Variants in BMP8A observed in about 807,000 individuals in gnomAD.
BMP8A encodes the protein bone morphogenetic protein 8a.
BMP8A carries 14 observed loss-of-function variants against 36.8 expected under a neutral mutation model. The ratio of observed to expected loss-of-function variants is 0.38; its 90% confidence interval spans 0.25 to 0.60. The LOEUF (loss-of-function observed/expected upper bound fraction) is 0.60, where lower values mean the gene tolerates loss of function less well. Among genes scored for constraint, BMP8A ranks in the 20% least tolerant of loss-of-function variants. The pLI is 0.63. For missense variants in BMP8A, 267 were observed against 551.1 expected, an observed-to-expected ratio of 0.48 and a Z score of 5.16; for synonymous variants, 120 against 237.7, an observed-to-expected ratio of 0.50 and a Z score of 4.55.
At chr1:39,504,156 G>A (rs1775650) in intron 1 of BMP8A, among the ~76,000 whole-genome samples, 130,879 of 152,024 alleles carry the variant, frequency 0.86, 57,212 homozygotes, top group East Asian at 0.99. Flanking sequence ...GCCCCTCCAC[G>A]CCTGTGGGTA....
intron 5 of BMP8A, 101 bp from the exon 6 acceptor site, chr1:39,522,906 C>A: frequency 8.5e-7 from 1 of 1,176,970 alleles, no homozygotes. Context: ...GGATTCAAGC[C>A]TCTTGGGGGA....
chr1:39,503,715 A>G (rs550345583), intron 1 of BMP8A, among the ~76,000 whole-genome samples: 1 of 152,044 alleles, frequency 6.6e-6, no homozygotes, highest in Non-Finnish European at 1.5e-5. Context: ...AGGTTTCACC[A>G]TGTTGGCCAG....
Position 39,524,319 on chromosome 1 carries a change from C to T in BMP8A, c.1059+1202C>T, listed in dbSNP as rs1645460673. Reference sequence around the variant, plus strand: ...GCTCAACTAGAGTGAGTGCTCACAGCCTACAGGGCAGCAAACAGGCACTGT... The same window carrying T: ...GCTCAACTAGAGTGAGTGCTCACAGTCTACAGGGCAGCAAACAGGCACTGT... On this transcript the variant is annotated intron_variant, in intron 6 of 6. Transcript: ENST00000331593. This position sits in a 1 kb window ranked among gnomAD's most constrained non-coding sequence, Gnocchi z 4.0. Among the ~76,000 whole-genome samples the T allele has an allele frequency of 6.6e-6, 1 of 152,114 alleles. No individual in the cohort carries two copies. Among genetic ancestry groups the T allele is most frequent in the African/African-American group, 2.4e-5 (1 of 41,426 alleles).
intron 1 of BMP8A, among the ~76,000 whole-genome samples, chr1:39,508,478 C>T (rs151244966): frequency 1.3e-5 from 2 of 152,208 alleles, no homozygotes; most frequent in African/African-American, 2.4e-5. Context: ...ATCCCCACTT[C>T]GCAGATAAGG....
intron 1 of BMP8A, among the ~76,000 whole-genome samples, chr1:39,497,697 C>A (rs1190636235): frequency 6.6e-6 from 1 of 152,206 alleles, no homozygotes; most frequent in East Asian, 1.9e-4. Flanking sequence ...TACTCCCCAG[C>A]AACCCCTGAA....
chr1:39,501,671 C>T (rs1038315418), intron 1 of BMP8A, among the ~76,000 whole-genome samples: 1 of 152,124 alleles, frequency 6.6e-6, no homozygotes, highest in African/African-American at 2.4e-5. Context: ...CCTATGTTGC[C>T]CAGGCTGATC....
intron 1 of BMP8A, among the ~76,000 whole-genome samples, chr1:39,502,926 G>T (rs1051046114): frequency 1.3e-5 from 2 of 152,084 alleles, no homozygotes; most frequent in African/African-American, 4.8e-5. Flanking sequence ...CACACCTGTA[G>T]TCCCAACTAC....
chr1:39,498,330 CT>C (rs1235414120), intron 1 of BMP8A, among the ~76,000 whole-genome samples: 2 of 152,226 alleles, frequency 1.3e-5, no homozygotes, highest in Non-Finnish European at 2.9e-5. Flanking sequence ...ATGACCACTT[CT>C]TTCTGGAAAA....
At chr1:39,498,130 C>T (rs1027440557) in intron 1 of BMP8A, among the ~76,000 whole-genome samples, 1 of 152,264 alleles carries the variant, frequency 6.6e-6, no homozygotes, top group African/African-American at 2.4e-5. Flanking sequence ...TGGAAACCCT[C>T]TGCCCCTCCT....
rs1008242250 is a variant in BMP8A at position 39,499,214 on chromosome 1, G to A, written c.334+6889G>A. 1.2e-4 allele frequency among the ~76,000 whole-genome samples: 18 copies of A among 152,296 alleles called. No homozygotes were observed. The South Asian group carries it at 2.5e-3, about 21-fold the overall frequency. On this transcript the variant is annotated intron_variant, in intron 1 of 6. Transcript: ENST00000331593. ...CTGAGGACTGGGAGCCTTCTCAGTC[G>A]GACTGAGAGGGACGGGGCCACCCGG... is the stretch of plus-strand genomic sequence containing the variant.
At chr1:39,509,546 A>C (rs1473685240) in intron 1 of BMP8A, among the ~76,000 whole-genome samples, 1 of 152,128 alleles carries the variant, frequency 6.6e-6, no homozygotes, top group South Asian at 2.1e-4. Context: ...GGACAAGACA[A>C]GTTCATTTTT....
At chr1:39,506,538 G>A (rs917730436) in intron 1 of BMP8A, among the ~76,000 whole-genome samples, 1 of 152,102 alleles carries the variant, frequency 6.6e-6, no homozygotes, top group African/African-American at 2.4e-5. Context: ...CTACAGGTTG[G>A]TTATGTAAGA....
intron 5 of BMP8A, 162 bp downstream of exon 5, chr1:39,522,644 G>T: frequency 4.6e-6 from 5 of 1,079,466 alleles, no homozygotes; most frequent in South Asian, 2.1e-5. Context: ...GTGAGAAAGG[G>T]TTTTGTTGTT....
At chr1:39,500,352 G>A (rs1246024879) in intron 1 of BMP8A, among the ~76,000 whole-genome samples, 1 of 152,222 alleles carries the variant, frequency 6.6e-6, no homozygotes, top group Non-Finnish European at 1.5e-5. Context: ...AATATCTGGA[G>A]ACCTTTTTAG....
intron 3 of BMP8A, among the ~76,000 whole-genome samples, chr1:39,517,811 G>C (rs760539819): frequency 6.6e-6 from 1 of 152,292 alleles, no homozygotes; most frequent in Admixed American, 6.5e-5. Flanking sequence ...GAGACTGAGA[G>C]GGGAGAGGCT....
At chr1:39,502,782 G>A (rs1344132991) in intron 1 of BMP8A, among the ~76,000 whole-genome samples, 1 of 152,246 alleles carries the variant, frequency 6.6e-6, no homozygotes, top group African/African-American at 2.4e-5. Flanking sequence ...AGTGGCTCAC[G>A]CCTGTAATCC....
At chr1:39,505,529 T>A (rs1018629122) in intron 1 of BMP8A, among the ~76,000 whole-genome samples, 9 of 152,118 alleles carry the variant, frequency 5.9e-5, no homozygotes, top group Non-Finnish European at 2.9e-5. Context: ...GTCTCTTATG[T>A]CTTCCTTTTT....
At chr1:39,516,721 T>C (rs1178214600) in intron 3 of BMP8A, among the ~76,000 whole-genome samples, 1 of 151,518 alleles carries the variant, frequency 6.6e-6, no homozygotes, top group East Asian at 1.9e-4. Context: ...TCTGCAGTGG[T>C]GAGGAATGGA....
intron 1 of BMP8A, among the ~76,000 whole-genome samples, chr1:39,502,682 A>G (rs1645263228): frequency 6.6e-6 from 1 of 152,236 alleles, no homozygotes; most frequent in African/African-American, 2.4e-5. Context: ...GAGCAATGAA[A>G]TAAATAACAA....
Sources: gnomAD v4.1 joint callset for allele counts (sites outside exome capture counted in the v4.1 genomes callset) on GRCh38, gnomAD v4.1.1 for gene constraint, Gnocchi (gnomAD v3.1) non-coding constraint, MANE v1.5 for transcripts, NCBI Gene and HGNC (gene_info 2026-07-23, HGNC 2026-07-21) for gene names.